Variants in DCDC1 observed in about 807,000 individuals in gnomAD.
DCDC1 encodes the protein doublecortin domain-containing protein 1.
DCDC1 carries 200 observed loss-of-function variants against 178.3 expected under a neutral mutation model. That is an observed-to-expected ratio of 1.12 (90% CI 1.00 to 1.26). The LOEUF (loss-of-function observed/expected upper bound fraction) is 1.26. Ranked by LOEUF, DCDC1 falls within the 50% of genes most tolerant of loss-of-function variation. The probability of loss-of-function intolerance (pLI) is 0.00; values close to 1 mark genes in which losing one functional copy is unlikely to be tolerated. For synonymous variants in DCDC1, 690 were observed against 604.8 expected, an observed-to-expected ratio of 1.14 and a Z score of -2.07; for missense variants, 1,983 against 1,749.2, an observed-to-expected ratio of 1.13 and a Z score of -2.38.
At chr11:31,200,087 T>C (rs1471715111) in intron 9 of DCDC1, among the ~76,000 whole-genome samples, 1 of 152,104 alleles carries the variant, frequency 6.6e-6, no homozygotes, top group Non-Finnish European at 1.5e-5. Context: ...GACTTGAAAC[T>C]TGCCCTGGTA....
intron 9 of DCDC1, among the ~76,000 whole-genome samples, chr11:31,172,678 G>A (rs1403206820): frequency 6.6e-6 from 1 of 152,088 alleles, no homozygotes; most frequent in Non-Finnish European, 1.5e-5. Flanking sequence ...ACATAAGCTA[G>A]AGAAAAGAAA....
chr11:30,949,756 C>G (rs1314320320), intron 21 of DCDC1, among the ~76,000 whole-genome samples: 1 of 146,058 alleles, frequency 6.8e-6, no homozygotes, highest in African/African-American at 2.6e-5. Flanking sequence ...AACAGAAGAA[C>G]AGAAAACCAA....
At chr11:31,337,952 T>C (rs572885272) in intron 1 of DCDC1, among the ~76,000 whole-genome samples, 2 of 152,228 alleles carry the variant, frequency 1.3e-5, no homozygotes, top group African/African-American at 4.8e-5. Flanking sequence ...CCGAAAAACA[T>C]GACTGACCTG....
chr11:31,226,144 A>C (rs1030448907), intron 9 of DCDC1, among the ~76,000 whole-genome samples: 1 of 152,098 alleles, frequency 6.6e-6, no homozygotes, highest in African/African-American at 2.4e-5. Flanking sequence ...ATAATGACTT[A>C]ATTCCAGGCA....
chr11:31,284,761 C>T (rs912541604), intron 7 of DCDC1, among the ~76,000 whole-genome samples: 3 of 151,862 alleles, frequency 2.0e-5, no homozygotes, highest in Non-Finnish European at 2.9e-5. Context: ...GCCTCAGCCT[C>T]CCAAGTAGCT....
intron 24 of DCDC1, among the ~76,000 whole-genome samples, chr11:30,921,798 C>T (rs1946263423): frequency 1.3e-5 from 2 of 152,330 alleles, no homozygotes; most frequent in South Asian, 4.1e-4. Context: ...CAATCTGAGG[C>T]ACAGCCAGCC....
At chr11:31,253,639 C>A (rs1223149713) in intron 8 of DCDC1, among the ~76,000 whole-genome samples, 1 of 152,138 alleles carries the variant, frequency 6.6e-6, no homozygotes, top group African/African-American at 2.4e-5. Flanking sequence ...TAAAACTTTG[C>A]AGGCTGACCT....
chr11:31,358,686 T>TC (rs2133364238), intron 1 of DCDC1, among the ~76,000 whole-genome samples: 1 of 152,116 alleles, frequency 6.6e-6, no homozygotes, highest in Non-Finnish European at 1.5e-5. Context: ...TGCAACCTAC[T>TC]CATCTGACAA....
chr11:31,358,590 G>T (rs1453083057), intron 1 of DCDC1, among the ~76,000 whole-genome samples: 1 of 151,902 alleles, frequency 6.6e-6, no homozygotes, highest in Non-Finnish European at 1.5e-5. Flanking sequence ...TGACAAATGG[G>T]ATCTCATTAA....
intron 16 of DCDC1, 147 bp from the exon 17 acceptor site, chr11:31,091,658 A>G: frequency 5.0e-6 from 3 of 598,446 alleles, no homozygotes; most frequent in South Asian, 2.0e-5. Context: ...CCCACAACTT[A>G]GCAGTCAGCG....
chr11:31,065,204 C>CA, intron 18 of DCDC1, 51 bp from the exon 19 acceptor site: 1 of 626,616 alleles, frequency 1.6e-6, no homozygotes, highest in Non-Finnish European at 2.9e-6. Flanking sequence ...AAACAATAGC[C>CA]AAAAATCCAT....
intron 9 of DCDC1, among the ~76,000 whole-genome samples, chr11:31,218,927 G>T (rs1031318584): frequency 6.6e-6 from 1 of 152,144 alleles, no homozygotes; most frequent in African/African-American, 2.4e-5. Flanking sequence ...AGAGCATTCT[G>T]AGCATATGAG....
At chr11:31,365,579 TA>T (rs1291142431) in intron 1 of DCDC1, among the ~76,000 whole-genome samples, 2 of 152,112 alleles carry the variant, frequency 1.3e-5, no homozygotes, top group African/African-American at 2.4e-5. Context: ...CACAATTGAC[TA>T]GTATGACATC....
At chr11:31,067,989 C>T (rs1593441) in intron 18 of DCDC1, among the ~76,000 whole-genome samples, 1 of 151,834 alleles carries the variant, frequency 6.6e-6, no homozygotes, top group Non-Finnish European at 1.5e-5. Context: ...CATTAAACAC[C>T]TAAAAATAGG....
intron 10 of DCDC1, among the ~76,000 whole-genome samples, chr11:31,134,844 A>T (rs1188124240): frequency 1.3e-5 from 2 of 152,172 alleles, no homozygotes; most frequent in Non-Finnish European, 2.9e-5. Context: ...AAAAATTTTT[A>T]AATGAGCTGG....
At chr11:31,083,012 A>G (rs1172708382) in intron 17 of DCDC1, among the ~76,000 whole-genome samples, 2 of 152,208 alleles carry the variant, frequency 1.3e-5, no homozygotes, top group African/African-American at 4.8e-5. Context: ...GGTGTAACCT[A>G]TATGTGTTAA....
intron 14 of DCDC1, among the ~76,000 whole-genome samples, chr11:31,103,099 C>T (rs188353222): frequency 1.9e-4 from 29 of 152,304 alleles, no homozygotes; most frequent in Admixed American, 9.2e-4. Context: ...ATGGTCAACA[C>T]TCAGTAAAAG....
At chr11:31,226,985 C>T (rs2136727239) in intron 9 of DCDC1, among the ~76,000 whole-genome samples, 1 of 152,028 alleles carries the variant, frequency 6.6e-6, no homozygotes, top group South Asian at 2.1e-4. Context: ...TAAATAAAAA[C>T]ATATGTTTCT....
chr11:31,128,910 A>G (rs771971433), intron 10 of DCDC1, among the ~76,000 whole-genome samples: 5 of 152,096 alleles, frequency 3.3e-5, no homozygotes, highest in African/African-American at 9.7e-5. Flanking sequence ...CTCTATCACT[A>G]TTTCACATGA....
Sources: allele counts gnomAD v4.1 joint callset (sites outside exome capture counted in the v4.1 genomes callset), GRCh38; gene constraint gnomAD v4.1.1; transcripts MANE v1.5; gene names NCBI Gene and HGNC (gene_info 2026-07-23, HGNC 2026-07-21).